Variants in GSG1L2 observed in about 807,000 individuals in gnomAD.
The protein encoded by GSG1L2 is GSG1 like 2.
GSG1L2 carries 15 observed loss-of-function variants against 9.0 expected under a neutral mutation model. The ratio of observed to expected loss-of-function variants is 1.67; its 90% CI spans 1.12 to 2.57. The LOEUF (loss-of-function observed/expected upper bound fraction) is 2.57, where lower values mean the gene tolerates loss of function less well. Ranked by LOEUF, GSG1L2 falls within the 30% of genes most tolerant of loss-of-function variation. GSG1L2 has a pLI of 0.00. For missense variants in GSG1L2, 286 were observed against 150.3 expected (o/e 1.90, Z -4.72); for synonymous variants, 127 against 57.9 (o/e 2.19, Z -5.41).
rs2066495548 is a variant in GSG1L2 at position 9,801,236 on chromosome 17, C to G, written c.*1150G>C. Among the ~76,000 whole-genome samples, 1 of 151,978 alleles carries G rather than the reference C, an allele frequency of 6.6e-6. No individual in the cohort carries two copies. Among genetic ancestry groups the G allele is most frequent in the Non-Finnish European group, 1.5e-5 (1 of 68,002 alleles). On this transcript the variant is annotated 3_prime_UTR_variant, in exon 5 of 5. Transcript: ENST00000399363. ...CTTTTTCTTTTTTTTGAGACAGGGT[C>G]TCACTCTATTGCCCAGGCTGGAGTG... is the stretch of plus-strand genomic sequence containing the variant.
intron 4 of GSG1L2, among the ~76,000 whole-genome samples, chr17:9,806,701 T>C (rs949213353): frequency 6.6e-6 from 1 of 152,178 alleles, no homozygotes; most frequent in Non-Finnish European, 1.5e-5. Flanking sequence ...GTGCCAGTGA[T>C]AGCCCCTCAG....
rs550971236 is a variant in GSG1L2, at chr17:9,818,644, C to T, written c.310+3118G>A. ...GTGCTGGGATTACAGGTGTGAGCCA[C>T]CACGCCCTTTCCAACGACCAGATCC... On this transcript the variant is annotated intron_variant, in intron 1 of 4. Transcript: ENST00000399363. Among the ~76,000 whole-genome samples the T allele has an allele frequency of 4.0e-5, 6 of 151,824 alleles. No homozygotes were observed. In the East Asian group the frequency reaches 5.8e-4, roughly 15 times the overall value.
chr17:9,816,472 G>A (rs1180367939), intron 1 of GSG1L2, among the ~76,000 whole-genome samples: 6 of 101,080 alleles, frequency 5.9e-5, no homozygotes, highest in East Asian at 5.8e-3. Context: ...GTCCGTGTGC[G>A]TGTCTGTGTG....
intron 1 of GSG1L2, among the ~76,000 whole-genome samples, chr17:9,816,600 GTC>G (rs748772942): frequency 1.1e-4 from 11 of 100,040 alleles, no homozygotes; most frequent in Non-Finnish European, 2.1e-4. Flanking sequence ...GTGTCTGTGT[GTC>G]TGTGTGTGTC....
intron 1 of GSG1L2, among the ~76,000 whole-genome samples, chr17:9,811,492 C>T (rs2066538670): frequency 6.6e-6 from 1 of 152,174 alleles, no homozygotes; most frequent in Non-Finnish European, 1.5e-5. Flanking sequence ...AATTCTAAGT[C>T]CATGGATATC....
At position 9,807,512 on chromosome 17, in the gene GSG1L2, A is replaced by T. The variant is rs2066520550; in HGVS notation, c.601T>A (p.Trp201Arg). Residue 201 changes from tryptophan to arginine, a missense_variant, in exon 4 of 5, where the codon TGG becomes AGG. By Grantham distance (101) the Trp-to-Arg change is moderately radical. Transcript: ENST00000399363. ...TACCAATATGACCAGCCATAGTCCC[A>T]GGTCTGAGGCTTCCAATCTTCTGGT... Reference protein sequence around the residue: ...LGPEDWKPQTWDYGWSYCLAW... With the variant: ...LGPEDWKPQTRDYGWSYCLAW... 1 of 703,016 alleles carries T rather than the reference A, an allele frequency of 1.4e-6. No homozygotes were observed. The highest frequency in any genetic ancestry group is 2.6e-6 in the Non-Finnish European group (1 of 384,984). 43.5% of individuals were successfully genotyped at this position (703,016 alleles called of 1,614,324 possible).
At chr17:9,816,757 CTG>C (rs1238934404) in intron 1 of GSG1L2, among the ~76,000 whole-genome samples, 35 of 94,646 alleles carry the variant, frequency 3.7e-4, no homozygotes, top group East Asian at 6.8e-3. Flanking sequence ...GTGTGTGTAT[CTG>C]TGTCTGTGTG....
chr17:9,816,910 C>CTGTGTGTGTG (rs56337214), intron 1 of GSG1L2, among the ~76,000 whole-genome samples: 266 of 94,470 alleles, frequency 2.8e-3, no homozygotes, highest in Non-Finnish European at 4.7e-3. Context: ...GTGTGTGTAT[C>CTGTGTGTGTG]TGTGTGTGTG....
rs1287094865 is a variant in GSG1L2, at chr17:9,807,565, G to A, written c.548C>T (p.Thr183Ile). Residue 183 changes from threonine (T) to isoleucine (I), a missense_variant, in exon 4 of 5, where the codon ACC (threonine) becomes ATC (isoleucine). Physicochemically the swap from Thr to Ile is moderately conservative, Grantham distance 89. Transcript: ENST00000399363. ...AAGGTTCACAGTGATTTGAAAAATG[G>A]TTGTGTACATCATGTGGGCCACCAT... Reference protein sequence around the residue: ...LGMVAHMMYTTIFQITVNLGP... With the variant: ...LGMVAHMMYTIIFQITVNLGP... 1.4e-6 allele frequency: 1 copy of A among 703,298 alleles called. No homozygotes were observed. The highest frequency in any genetic ancestry group is 2.3e-4 in the Middle Eastern group (1 of 4,374). 43.6% of individuals were successfully genotyped at this position (703,298 alleles called of 1,614,324 possible).
At position 9,820,094 on chromosome 17, in the gene GSG1L2, A is replaced by G. The variant is rs1274380148; in HGVS notation, c.310+1668T>C. On this transcript the variant is annotated intron_variant, in intron 1 of 4. Transcript: ENST00000399363. The surrounding 1 kb of genome is among the most constrained non-coding windows in gnomAD (Gnocchi z 4.9). ...AACGAGAGGGAAATTCCATCTCAAA[A>G]TAAAAAATAAAATAAAATAAAATAA... Among the ~76,000 whole-genome samples, 1 of 151,940 alleles carries G rather than the reference A, an allele frequency of 6.6e-6. No homozygotes were observed. The highest frequency in any genetic ancestry group is 2.4e-5 in the African/African-American group (1 of 41,390).
At position 9,816,896 on chromosome 17, in the gene GSG1L2, C is replaced by G. The variant is rs1246709586; in HGVS notation, c.310+4866G>C. ...TGTGTGTGTATCTGTGTGTGTGTAT[C>G]TGTGTGTGTGTATCTGTGTGTGTGT... On this transcript the variant is annotated intron_variant, in intron 1 of 4. Transcript: ENST00000399363. 4.1e-4 allele frequency among the ~76,000 whole-genome samples: 55 copies of G among 134,964 alleles called. 2 individuals carry two copies. In the East Asian group the frequency reaches 6.9e-3, roughly 17 times the overall value. 88.5% of individuals were successfully genotyped at this position (134,964 alleles called of 152,430 possible).
intron 2 of GSG1L2, 159 bp downstream of exon 2, chr17:9,810,412 A>AGGAAGAGAGCCTGT: frequency 4.9e-6 from 3 of 616,658 alleles, no homozygotes; most frequent in Admixed American, 5.4e-5. Context: ...CACTGGCTAT[A>AGGAAGAGAGCCTGT]GGGCACAGGA....
chr17:9,817,118 T>A (rs2066570940), intron 1 of GSG1L2, among the ~76,000 whole-genome samples: 1 of 151,536 alleles, frequency 6.6e-6, no homozygotes, highest in African/African-American at 2.4e-5. Flanking sequence ...GCGAACTGAG[T>A]GACAATTTTT....
At chr17:9,818,313 T>C (rs1202466967) in intron 1 of GSG1L2, among the ~76,000 whole-genome samples, 1 of 151,752 alleles carries the variant, frequency 6.6e-6, no homozygotes, top group Non-Finnish European at 1.5e-5. Flanking sequence ...GCACACACTT[T>C]TCTTGTTTTA....
At chr17:9,816,660 T>G (rs977125204) in intron 1 of GSG1L2, among the ~76,000 whole-genome samples, 1 of 107,276 alleles carries the variant, frequency 9.3e-6, no homozygotes, top group African/African-American at 3.5e-5. Flanking sequence ...TGTGTCTGTG[T>G]GTGCGTGTGT....
At position 9,801,117 on chromosome 17, in the gene GSG1L2, T is replaced by C. The variant is rs986279227; in HGVS notation, c.*1269A>G. Among the ~76,000 whole-genome samples, 3 of 152,180 alleles carry C rather than the reference T, an allele frequency of 2.0e-5. No individual in the cohort carries two copies. The highest frequency in any genetic ancestry group is 2.9e-5 in the Non-Finnish European group (2 of 68,038). ...TTGGATTTTTTTCCCAGAAATGATA[T>C]GTTTACAAAACACGTGAATATAATT... is the stretch of plus-strand genomic sequence containing the variant. On this transcript the variant is annotated 3_prime_UTR_variant, in exon 5 of 5. Coordinates refer to ENST00000399363, the MANE Select transcript of GSG1L2 (RefSeq NM_001310219.2).
At chr17:9,811,636 A>T (rs1403045343) in intron 1 of GSG1L2, among the ~76,000 whole-genome samples, 2 of 152,216 alleles carry the variant, frequency 1.3e-5, no homozygotes, top group Non-Finnish European at 2.9e-5. Context: ...CGTCAGCCCA[A>T]AATAGAATCA....
At chr17:9,803,342 A>G (rs1038299195) in intron 4 of GSG1L2, among the ~76,000 whole-genome samples, 1 of 152,136 alleles carries the variant, frequency 6.6e-6, no homozygotes, top group African/African-American at 2.4e-5. Context: ...ACCTCAGGTG[A>G]TCCGCCCGCC....
chr17:9,810,374 G>T (rs2066534461), intron 2 of GSG1L2, 197 bp downstream of exon 2: 1 of 588,770 alleles, frequency 1.7e-6, no homozygotes, highest in African/African-American at 1.9e-5. Context: ...ACCCTACAAA[G>T]TTGGCTGTTA....
Sources: gnomAD v4.1 joint callset for allele counts (sites outside exome capture counted in the v4.1 genomes callset) on GRCh38, gnomAD v4.1.1 for gene constraint, Gnocchi (gnomAD v3.1) non-coding constraint, MANE v1.5 for transcripts, NCBI Gene and HGNC (gene_info 2026-07-23, HGNC 2026-07-21) for gene names.